The following RETREG3 variants were observed in gnomAD, a reference collection of about 807,000 sequenced individuals.
The protein encoded by RETREG3 is reticulophagy regulator family member 3, also known as reticulophagy regulator 3.
RETREG3 carries 23 observed loss-of-function variants against 50.2 expected under a neutral mutation model. The observed-to-expected ratio is 0.46, with a 90% CI of 0.33 to 0.65. The LOEUF (loss-of-function observed/expected upper bound fraction) is 0.65, where lower values mean the gene tolerates loss of function less well. RETREG3 is among the 30% of genes least tolerant of loss of function. The pLI is 0.02. For synonymous variants in RETREG3, 240 were observed against 234.4 expected (o/e 1.02, Z -0.22); for missense variants, 546 against 598.0 (o/e 0.91, Z 0.91).
intron 1 of RETREG3, among the ~76,000 whole-genome samples, chr17:42,593,481 C>G (rs2093137186): frequency 6.6e-6 from 1 of 151,786 alleles, no homozygotes; most frequent in Non-Finnish European, 1.5e-5. Flanking sequence ...AACCCTGTCT[C>G]TACTAAAAAT....
chr17:42,595,933 T>C lies in RETREG3; in HGVS notation c.240-3771A>G, dbSNP rs148290141. 1.6e-3 allele frequency among the ~76,000 whole-genome samples: 238 copies of C among 151,756 alleles called. 1 individual carries two copies. The highest frequency in any genetic ancestry group is 3.4e-3 in the Middle Eastern group (1 of 294). ...AAAAAAATCATTAAGAAAAAATAGA[T>C]TGTGAGCCTACAGTAGGTAGAAGGA... On this transcript the variant is annotated intron_variant, in intron 1 of 8. Coordinates refer to ENST00000309428, the MANE Select transcript of RETREG3 (RefSeq NM_178126.4).
chr17:42,604,707 A>AG (rs1373977763), intron 1 of RETREG3, among the ~76,000 whole-genome samples: 1 of 151,748 alleles, frequency 6.6e-6, no homozygotes, highest in East Asian at 1.9e-4. Flanking sequence ...AAAAAAAAAA[A>AG]AAAAAAAAAA....
chr17:42,582,114 G>C lies in RETREG3; in HGVS notation c.1100C>G (p.Pro367Arg), dbSNP rs138787430. The stretch of plus-strand genomic sequence containing the variant: ...GTCCCGGCTGGCAGGTGGGGCCTGG[G>C]GCTCCTCAGCCCCTGGCGGAGAACG... ...MYRSPPGAEE[P>R]QAPPASRDEA... Residue 367 changes from proline (P) to arginine (R), a missense_variant, in exon 9 of 9, where the codon CCC becomes CGC. By Grantham distance (103) the Pro-to-Arg change is moderately radical. Coordinates refer to ENST00000309428, the MANE Select transcript of RETREG3 (RefSeq NM_178126.4). The C allele has an allele frequency of 2.1e-4, 346 of 1,613,988 alleles. No individual in the cohort carries two copies. Among genetic ancestry groups the C allele is most frequent in the Non-Finnish European group, 2.8e-4 (325 of 1,180,040 alleles).
intron 3 of RETREG3, 34 bp from the exon 4 acceptor site, chr17:42,586,925 G>A: frequency 1.9e-6 from 3 of 1,608,092 alleles, no homozygotes; most frequent in South Asian, 1.1e-5. Flanking sequence ...TGTGAAAGGA[G>A]GGTGTTGAGG....
At chr17:42,604,678 A>AC (rs2093164484) in intron 1 of RETREG3, among the ~76,000 whole-genome samples, 1 of 98,984 alleles carries the variant, frequency 1.0e-5, no homozygotes, top group South Asian at 3.3e-4. Context: ...CAGCCCAACA[A>AC]CCCCCGATTC....
In RETREG3 at chr17:42,583,524, C is replaced by A; in HGVS notation, c.784G>T (p.Glu262Ter). Reference sequence around the variant, plus strand: ...TGAGGACAGAAGGCAGCAAGCTCCTCTTCGCTGTCACTGTGGTTGTCCATG... The same window carrying A: ...TGAGGACAGAAGGCAGCAAGCTCCTATTCGCTGTCACTGTGGTTGTCCATG... Reference protein sequence around the residue: ...RAMDNHSDSEEELAAFCPQLD... With the variant: ...RAMDNHSDSE Residue 262 changes from glutamate (E) to a stop codon, truncating the protein, a stop_gained, in exon 7 of 9, where the codon GAG becomes TAG. Coordinates refer to ENST00000309428, the MANE Select transcript of RETREG3 (RefSeq NM_178126.4). LOFTEE classifies it high-confidence loss of function. The A allele has an allele frequency of 1.2e-6, 2 of 1,613,892 alleles. No individual in the cohort carries two copies. The highest frequency in any genetic ancestry group is 1.7e-6 in the Non-Finnish European group (2 of 1,179,848).
intron 1 of RETREG3, among the ~76,000 whole-genome samples, chr17:42,594,882 G>A (rs542465585): frequency 9.2e-5 from 14 of 151,642 alleles, no homozygotes; most frequent in African/African-American, 2.9e-4. Flanking sequence ...ACGTTTATCC[G>A]GCTGTACATT....
At chr17:42,605,110 C>G (rs970065021) in intron 1 of RETREG3, 3 of 151,158 alleles carry the variant, frequency 2.0e-5, no homozygotes, top group African/African-American at 7.3e-5. Flanking sequence ...GTATGAAAAC[C>G]TTGGAATACT....
chr17:42,597,601 A>ATTTTG (rs2093148971), intron 1 of RETREG3, among the ~76,000 whole-genome samples: 2 of 10,750 alleles, frequency 1.9e-4, no homozygotes, highest in African/African-American at 5.5e-4. Context: ...ATATATATAT[A>ATTTTG]TATATATATA....
At chr17:42,597,656 G>A (rs1231187287) in intron 1 of RETREG3, among the ~76,000 whole-genome samples, 2 of 102,114 alleles carry the variant, frequency 2.0e-5, no homozygotes, top group African/African-American at 8.1e-5. Context: ...TTGAGACAGA[G>A]TCTCACTCTG....
At chr17:42,583,612 C>G (rs1031001161) in intron 6 of RETREG3, 32 bp from the exon 7 acceptor site, 2 of 1,598,598 alleles carry the variant, frequency 1.3e-6, no homozygotes, top group Non-Finnish European at 1.7e-6. Flanking sequence ...TTGCTTGATA[C>G]CTTCTCCCAG....
At chr17:42,596,873 ATT>A (rs11420307) in intron 1 of RETREG3, among the ~76,000 whole-genome samples, 6 of 144,248 alleles carry the variant, frequency 4.2e-5, no homozygotes, top group African/African-American at 1.3e-4. Context: ...GTTTGGAAGA[ATT>A]TTTTTTTTTT....
At chr17:42,587,129 G>A (rs1039095807) in intron 3 of RETREG3, among the ~76,000 whole-genome samples, 8 of 152,158 alleles carry the variant, frequency 5.3e-5, no homozygotes, top group Non-Finnish European at 1.0e-4. Flanking sequence ...CCCAATCCAC[G>A]TGTGTAAACC....
chr17:42,581,877 T>A lies in RETREG3; in HGVS notation c.1337A>T (p.Asp446Val). The A allele has an allele frequency of 6.2e-7, 1 of 1,613,276 alleles. No individual in the cohort carries two copies. Among genetic ancestry groups the A allele is most frequent in the Non-Finnish European group, 8.5e-7 (1 of 1,179,380 alleles). ...CTCCGACTGGTCCAGAAGTTCAAAG[T>A]CATCCCCCTCAGCATCAGTGTCCAG... ...SDLDTDAEGD[D>V]FELLDQSELS... is the part of the protein sequence containing the mutation. Residue 446 changes from aspartate to valine, a missense_variant, in exon 9 of 9, where the codon GAC (aspartate) becomes GTC (valine). By Grantham distance (152) the Asp-to-Val change is radical. Transcript: ENST00000309428.
intron 1 of RETREG3, among the ~76,000 whole-genome samples, chr17:42,596,977 A>G (rs1450412035): frequency 6.6e-6 from 1 of 151,574 alleles, no homozygotes; most frequent in Non-Finnish European, 1.5e-5. Flanking sequence ...GGTTCAAGCA[A>G]TTCTCCTGTC....
In RETREG3 at chr17:42,586,038, A is replaced by G. The variant is rs747775082; in HGVS notation, c.589+15T>C. ...GCAGGGTATACTTTGTAGGGGAGGT[A>G]TATGTCATACTTACGCATCAAGTAG... On this transcript the variant is annotated intron_variant, in intron 5 of 8. Transcript: ENST00000309428. The G allele has an allele frequency of 1.2e-6, 2 of 1,613,144 alleles. No individual in the cohort carries two copies. Among genetic ancestry groups the G allele is most frequent in the African/African-American group, 1.3e-5 (1 of 74,918 alleles).
intron 2 of RETREG3, among the ~76,000 whole-genome samples, chr17:42,588,371 G>A (rs1414080564): frequency 1.3e-5 from 2 of 151,262 alleles, no homozygotes; most frequent in African/African-American, 4.8e-5. Context: ...TCAGCCTCCT[G>A]AGTAGCTGGG....
At chr17:42,603,255 A>T (rs965413679) in intron 1 of RETREG3, among the ~76,000 whole-genome samples, 2 of 152,152 alleles carry the variant, frequency 1.3e-5, no homozygotes, top group Non-Finnish European at 2.9e-5. Flanking sequence ...TATAATCATA[A>T]ATAATGACCA....
chr17:42,580,330 A>C lies in RETREG3; in HGVS notation c.*1483T>G, dbSNP rs1408632151. The C allele has an allele frequency of 1.4e-4, 21 of 152,774 alleles. No individual in the cohort carries two copies. Among genetic ancestry groups the C allele is most frequent in the Non-Finnish European group, 1.5e-5 (1 of 68,044 alleles). 9.5% of individuals were successfully genotyped at this position (152,774 alleles called of 1,614,324 possible). A position where few individuals can be genotyped will look rare whatever the true frequency, so the allele number is the denominator to read the frequency against. The stretch of plus-strand genomic sequence containing the variant: ...CAAGAGATTATGGCCCCTGGGATGA[A>C]TGACATGGAGCCATTTGTAAAGTGC... On this transcript the variant is annotated 3_prime_UTR_variant, in exon 9 of 9. Transcript: ENST00000309428.
Sources: allele counts gnomAD v4.1 joint callset (sites outside exome capture counted in the v4.1 genomes callset), GRCh38; gene constraint gnomAD v4.1.1; transcripts MANE v1.5; gene names NCBI Gene and HGNC (gene_info 2026-07-23, HGNC 2026-07-21).